Variants in NRG4 observed in about 807,000 individuals in gnomAD.
NRG4 encodes neuregulin 4.
In NRG4, 10 loss-of-function variants were observed where a neutral mutation model predicts 15.0. The observed-to-expected ratio is 0.67, with a 90% CI of 0.41 to 1.13. NRG4 has a LOEUF of 1.13. Ranked by LOEUF, NRG4 falls within the 50% of genes most tolerant of loss-of-function variation. The pLI is 0.00. For synonymous variants in NRG4, 41 were observed against 50.1 expected, an observed-to-expected ratio of 0.82 and a Z score of 0.77; for missense variants, 139 against 140.2, an observed-to-expected ratio of 0.99 and a Z score of 0.04.
intron 5 of NRG4, among the ~76,000 whole-genome samples, chr15:76,018,679 C>G (rs917729656): frequency 2.6e-5 from 4 of 152,214 alleles, no homozygotes; most frequent in African/African-American, 9.6e-5. Context: ...GTAAAGATTG[C>G]TGCCTGTTTC....
At chr15:75,955,601 A>G (rs1468892211) in intron 5 of NRG4, among the ~76,000 whole-genome samples, 1 of 152,126 alleles carries the variant, frequency 6.6e-6, no homozygotes, top group Non-Finnish European at 1.5e-5. Flanking sequence ...TTACAGGTAA[A>G]ACTCTTCTTC....
At chr15:75,988,221 T>C (rs751831091) in intron 3 of NRG4, among the ~76,000 whole-genome samples, 24 of 152,328 alleles carry the variant, frequency 1.6e-4, no homozygotes, top group Non-Finnish European at 2.6e-4. Context: ...AGTCTCACTC[T>C]GTCACCCAGG....
intron 3 of NRG4, among the ~76,000 whole-genome samples, chr15:75,964,338 C>A (rs1218697143): frequency 6.6e-6 from 1 of 152,160 alleles, no homozygotes; most frequent in Admixed American, 6.5e-5. Flanking sequence ...ACCCTTCTAT[C>A]ATTCCTGTTT....
chr15:76,011,132 T>C, intron 2 of NRG4, 89 bp downstream of exon 2: 1 of 1,082,524 alleles, frequency 9.2e-7, no homozygotes, highest in Non-Finnish European at 1.2e-6. Context: ...AAGGGAATAA[T>C]ACAGCCTTGT....
In NRG4 at chr15:75,949,611, AT is replaced by A. The variant is rs2031758982; in HGVS notation, c.332-5958del. Among the ~76,000 whole-genome samples the A allele has an allele frequency of 2.0e-5, 3 of 152,082 alleles. No homozygotes were observed. The South Asian group carries it at 6.2e-4, about 31-fold the overall frequency. ...ATTTACATGAAGCCCAATTTATGAA[AT>A]TTTTTCTTTTTATCGATTGTGCTTT... On this transcript the variant is annotated intron_variant, in intron 5 of 5. Coordinates refer to ENST00000394907, the MANE Select transcript of NRG4 (RefSeq NM_138573.4).
intron 5 of NRG4, among the ~76,000 whole-genome samples, chr15:76,024,544 A>G (rs2035249606): frequency 1.3e-5 from 2 of 152,178 alleles, no homozygotes; most frequent in African/African-American, 4.8e-5. Context: ...TAGCCTTGTA[A>G]GCCACCCCTG....
chr15:76,024,220 T>C (rs2035240988), intron 5 of NRG4, among the ~76,000 whole-genome samples: 1 of 152,196 alleles, frequency 6.6e-6, no homozygotes, highest in Non-Finnish European at 1.5e-5. Flanking sequence ...ACTGAGTAGC[T>C]GTATGTCCAC....
chr15:75,947,090 G>A (rs919535922), intron 5 of NRG4, among the ~76,000 whole-genome samples: 4 of 152,150 alleles, frequency 2.6e-5, no homozygotes, highest in East Asian at 1.9e-4. Flanking sequence ...CCCAGCATTC[G>A]CATTGTAGTC....
intron 2 of NRG4, among the ~76,000 whole-genome samples, chr15:76,056,667 A>G (rs1171697724): frequency 1.3e-5 from 2 of 152,204 alleles, no homozygotes; most frequent in Admixed American, 1.3e-4. Flanking sequence ...CTTTCAAAAT[A>G]TTAACATTTA....
chr15:75,979,064 C>T (rs555876732), intron 3 of NRG4, among the ~76,000 whole-genome samples: 43 of 152,154 alleles, frequency 2.8e-4, no homozygotes, highest in Admixed American at 6.5e-4. Context: ...TTGTCCAATT[C>T]TGTAGGTTGT....
chr15:75,975,109 C>T (rs1404488862), intron 3 of NRG4, among the ~76,000 whole-genome samples: 2 of 152,166 alleles, frequency 1.3e-5, no homozygotes, highest in Non-Finnish European at 2.9e-5. Flanking sequence ...ATGTAATACC[C>T]TTCTTTGCCT....
chr15:75,943,732 T>G (rs917221770), intron 5 of NRG4, 78 bp from the exon 6 acceptor site: 11 of 910,100 alleles, frequency 1.2e-5, no homozygotes, highest in East Asian at 2.5e-5. Flanking sequence ...TACATGTCTC[T>G]TATCTTCTTC....
chr15:76,018,423 T>G (rs549079499), intron 5 of NRG4, among the ~76,000 whole-genome samples: 1 of 152,294 alleles, frequency 6.6e-6, no homozygotes, highest in Non-Finnish European at 1.5e-5. Flanking sequence ...GTTTTGGAAT[T>G]TTCAGCCTTT....
intron 1 of NRG4, among the ~76,000 whole-genome samples, chr15:76,057,804 T>C (rs1415670136): frequency 2.0e-5 from 3 of 151,150 alleles, no homozygotes; most frequent in East Asian, 1.9e-4. Context: ...ACAATGGCTA[T>C]TATATTATAA....
chr15:75,998,275 A>G (rs904828036), intron 3 of NRG4, among the ~76,000 whole-genome samples: 3 of 152,212 alleles, frequency 2.0e-5, no homozygotes, highest in African/African-American at 7.2e-5. Context: ...TACAATGTAA[A>G]GTAAATTATA....
At chr15:76,006,015 G>A (rs1327768700) in intron 3 of NRG4, among the ~76,000 whole-genome samples, 2 of 152,162 alleles carry the variant, frequency 1.3e-5, no homozygotes, top group Non-Finnish European at 2.9e-5. Flanking sequence ...AGGTGTGAGG[G>A]CTGTCACTGA....
In NRG4 at chr15:76,025,312, G is replaced by A. The variant is rs184740270; in HGVS notation, c.-57+10632C>T. Among the ~76,000 whole-genome samples, 16 of 152,148 alleles carry A rather than the reference G, an allele frequency of 1.1e-4. No homozygotes were observed. The South Asian group carries it at 2.1e-3, about 20-fold the overall frequency. ...AAATTAGCTGGGCGTGGTGGCGGGC[G>A]CTTGTAGTCCCAGCTACTTGGGAGG... On this transcript the variant is annotated intron_variant, in intron 5 of 8. Coordinates refer to the NRG4 transcript ENST00000563910.
intron 5 of NRG4, among the ~76,000 whole-genome samples, chr15:76,023,162 A>G (rs2035209907): frequency 6.6e-6 from 1 of 150,426 alleles, no homozygotes; most frequent in Non-Finnish European, 1.5e-5. Context: ...ACACACACAC[A>G]CACACACACA....
upstream of NRG4, among the ~76,000 whole-genome samples, chr15:76,013,066 A>G (rs1398627759): frequency 6.7e-6 from 1 of 150,200 alleles, no homozygotes; most frequent in Non-Finnish European, 1.5e-5. Context: ...TCATCATATA[A>G]TTATCTAAAA....
Sources: gnomAD v4.1 joint callset for allele counts (sites outside exome capture counted in the v4.1 genomes callset) on GRCh38, gnomAD v4.1.1 for gene constraint, MANE v1.5 for transcripts, NCBI Gene and HGNC (gene_info 2026-07-23, HGNC 2026-07-21) for gene names.